PDZRN4: variants seen among roughly 807,000 people sequenced by gnomAD.
PDZRN4 encodes the protein PDZ domain containing ring finger 4.
In PDZRN4, 70 loss-of-function variants were observed where a neutral mutation model predicts 99.0. The ratio of observed to expected loss-of-function variants is 0.71; its 90% CI spans 0.58 to 0.86. The LOEUF is 0.86. PDZRN4 is among the 40% of genes least tolerant of loss of function. The pLI is 0.00. For missense variants in PDZRN4, 1,474 were observed against 1,331.2 expected (o/e 1.11, Z -1.67); for synonymous variants, 551 against 501.6 (o/e 1.10, Z -1.32).
intron 3 of PDZRN4, among the ~76,000 whole-genome samples, chr12:41,492,924 A>T (rs1433508751): frequency 6.6e-6 from 1 of 152,208 alleles, no homozygotes; most frequent in Non-Finnish European, 1.5e-5. Flanking sequence ...TCTTCTGTGC[A>T]TATGACATTC....
At chr12:41,412,193 G>A (rs1952405307) in intron 3 of PDZRN4, 1 of 152,140 alleles carries the variant, frequency 6.6e-6, no homozygotes, top group Non-Finnish European at 1.5e-5. Flanking sequence ...AGACCCCCTT[G>A]AACAATGTGC....
At chr12:41,431,013 A>G (rs1952582198) in intron 3 of PDZRN4, among the ~76,000 whole-genome samples, 1 of 152,190 alleles carries the variant, frequency 6.6e-6, no homozygotes, top group Non-Finnish European at 1.5e-5. Flanking sequence ...CCCTCTCAGG[A>G]GAACAGTACC....
intron 3 of PDZRN4, among the ~76,000 whole-genome samples, chr12:41,434,935 A>G (rs777603350): frequency 6.6e-6 from 1 of 152,208 alleles, no homozygotes; most frequent in Non-Finnish European, 1.5e-5. Context: ...CCAATGCAAG[A>G]TTTAGTTATT....
At chr12:41,438,319 A>G (rs1158325965) in intron 3 of PDZRN4, among the ~76,000 whole-genome samples, 1 of 152,112 alleles carries the variant, frequency 6.6e-6, no homozygotes, top group Non-Finnish European at 1.5e-5. Flanking sequence ...TATCTCTTTC[A>G]TTTTGGAATA....
chr12:41,263,287 T>C (rs1447805054), intron 3 of PDZRN4, among the ~76,000 whole-genome samples: 1 of 152,200 alleles, frequency 6.6e-6, no homozygotes, highest in Admixed American at 6.5e-5. Context: ...GCGCGGTTGC[T>C]CATGCCTGTA....
chr12:41,330,878 C>T (rs981058594), intron 3 of PDZRN4, among the ~76,000 whole-genome samples: 1 of 151,998 alleles, frequency 6.6e-6, no homozygotes, highest in Non-Finnish European at 1.5e-5. Flanking sequence ...GAAATCACCC[C>T]AGAAATATTT....
At chr12:41,500,192 A>G (rs17129414) in intron 3 of PDZRN4, among the ~76,000 whole-genome samples, 3,753 of 151,972 alleles carry the variant, frequency 0.025, 155 homozygotes, top group African/African-American at 0.087. Flanking sequence ...GGAACAGACT[A>G]CTGGAGGTTC....
intron 3 of PDZRN4, among the ~76,000 whole-genome samples, chr12:41,370,895 G>A (rs769023576): frequency 3.3e-5 from 5 of 150,542 alleles, no homozygotes; most frequent in Admixed American, 6.6e-5. Context: ...TATTTTTTAC[G>A]TTATTCTGCT....
chr12:41,330,278 A>G (rs953338112), intron 3 of PDZRN4, among the ~76,000 whole-genome samples: 4 of 152,206 alleles, frequency 2.6e-5, no homozygotes, highest in Admixed American at 6.6e-5. Flanking sequence ...AACTTCTCCA[A>G]TAGAAGAAAG....
chr12:41,404,890 C>T (rs12321550), intron 3 of PDZRN4, among the ~76,000 whole-genome samples: 5,191 of 152,048 alleles, frequency 0.034, 128 homozygotes, highest in African/African-American at 0.072. Flanking sequence ...ACTCCCTATT[C>T]GACAAATGAT....
chr12:41,369,892 C>T lies in PDZRN4; in HGVS notation c.844-136564C>T, dbSNP rs1326284693. ...ACCAGATTAATCAAAATATTTTAAT[C>T]CAGACCTATTCCCATGATTCAGATA... On this transcript the variant is annotated intron_variant, in intron 3 of 9. Coordinates refer to ENST00000402685, the MANE Select transcript of PDZRN4 (RefSeq NM_001164595.2). Among the ~76,000 whole-genome samples, 3 of 151,810 alleles carry T rather than the reference C, an allele frequency of 2.0e-5. No individual in the cohort carries two copies. The East Asian group carries it at 5.8e-4, about 29-fold the overall frequency.
intron 3 of PDZRN4, among the ~76,000 whole-genome samples, chr12:41,262,393 A>G (rs1747385497): frequency 6.6e-6 from 1 of 152,198 alleles, no homozygotes; most frequent in South Asian, 2.1e-4. Flanking sequence ...TCTTCATAAA[A>G]TGGAATGCCC....
intron 3 of PDZRN4, among the ~76,000 whole-genome samples, chr12:41,261,015 A>C (rs1355126849): frequency 1.3e-5 from 2 of 152,308 alleles, no homozygotes; most frequent in East Asian, 3.9e-4. Context: ...TGTTTCTATT[A>C]ATTGAGTTAA....
chr12:41,327,246 C>A (rs1951715438), intron 3 of PDZRN4, among the ~76,000 whole-genome samples: 1 of 152,128 alleles, frequency 6.6e-6, no homozygotes, highest in Admixed American at 6.6e-5. Context: ...CAGCTGTTAG[C>A]TATTGGCAGA....
At chr12:41,470,795 A>T (rs1217066358) in intron 3 of PDZRN4, among the ~76,000 whole-genome samples, 1 of 152,108 alleles carries the variant, frequency 6.6e-6, no homozygotes, top group Non-Finnish European at 1.5e-5. Flanking sequence ...GTTGGCAAGA[A>T]CGAGCCTCAT....
intron 3 of PDZRN4, among the ~76,000 whole-genome samples, chr12:41,221,795 G>A (rs1166587090): frequency 6.6e-6 from 1 of 152,052 alleles, no homozygotes; most frequent in Non-Finnish European, 1.5e-5. Flanking sequence ...GTGGTGAGAA[G>A]GAGGCAACGG....
At chr12:41,564,085 T>C (rs1939319844) in intron 8 of PDZRN4, among the ~76,000 whole-genome samples, 1 of 152,178 alleles carries the variant, frequency 6.6e-6, no homozygotes, top group Non-Finnish European at 1.5e-5. Context: ...AGTTTCCATC[T>C]GAAAATACTT....
intron 3 of PDZRN4, among the ~76,000 whole-genome samples, chr12:41,293,331 G>A (rs1300084401): frequency 6.0e-5 from 9 of 150,668 alleles, no homozygotes; most frequent in Admixed American, 5.3e-4. Context: ...ATGTAGCATC[G>A]TATCTGCCAT....
intron 3 of PDZRN4, among the ~76,000 whole-genome samples, chr12:41,253,385 A>G (rs1190261046): frequency 1.3e-5 from 2 of 152,310 alleles, no homozygotes; most frequent in East Asian, 3.9e-4. Flanking sequence ...TCTTCTGCAT[A>G]CAGTTATCCA....
Sources: gnomAD v4.1 joint callset for allele counts (sites outside exome capture counted in the v4.1 genomes callset) on GRCh38, gnomAD v4.1.1 for gene constraint, MANE v1.5 for transcripts, NCBI Gene and HGNC (gene_info 2026-07-23, HGNC 2026-07-21) for gene names.